MARK1: variants seen among roughly 807,000 people sequenced by gnomAD.
The protein encoded by MARK1 is microtubule affinity regulating kinase 1.
A neutral mutation model predicts 96.3 loss-of-function variants in MARK1; 40 were observed. That is an observed-to-expected ratio of 0.42 (90% CI 0.32 to 0.54). The LOEUF (loss-of-function observed/expected upper bound fraction) is 0.54, where lower values mean the gene tolerates loss of function less well. MARK1 is among the 20% of genes least tolerant of loss of function. The pLI, the probability that MARK1 is intolerant of heterozygous loss-of-function variation, is 0.16. For missense variants in MARK1, 719 were observed against 984.6 expected, an observed-to-expected ratio of 0.73 and a Z score of 3.61; for synonymous variants, 317 against 341.2, an observed-to-expected ratio of 0.93 and a Z score of 0.78.
intron 17 of MARK1, 83 bp from the exon 18 acceptor site, chr1:220,661,729 C>G: frequency 9.7e-7 from 1 of 1,028,654 alleles, no homozygotes; most frequent in Non-Finnish European, 1.4e-6. Flanking sequence ...TGAACTATGA[C>G]CACTTAGATT....
intron 1 of MARK1, among the ~76,000 whole-genome samples, chr1:220,544,195 G>A (rs1661328729): frequency 6.6e-6 from 1 of 152,140 alleles, no homozygotes; most frequent in African/African-American, 2.4e-5. Flanking sequence ...CAATAAAGTG[G>A]GAAGGGAGAT....
At chr1:220,599,555 A>G (rs2589592) in intron 4 of MARK1, among the ~76,000 whole-genome samples, 131,867 of 152,048 alleles carry the variant, frequency 0.87, 60,282 homozygotes, top group Non-Finnish European at 1. Context: ...AAAAGTAATG[A>G]CCTTTTAATC....
intron 1 of MARK1, among the ~76,000 whole-genome samples, chr1:220,568,000 C>T (rs1173009657): frequency 1.3e-5 from 2 of 152,038 alleles, no homozygotes; most frequent in Admixed American, 1.3e-4. Context: ...AATTTAGGTA[C>T]ACCCCTCTCA....
At chr1:220,632,368 A>AACTAATAT in intron 11 of MARK1, 55 bp downstream of exon 11, 1 of 740,044 alleles carries the variant, frequency 1.4e-6, no homozygotes, top group Non-Finnish European at 2.2e-6. Context: ...CTAATATATT[A>AACTAATAT]GTTAATATAT....
At chr1:220,567,004 C>T (rs1001153841) in intron 1 of MARK1, among the ~76,000 whole-genome samples, 1 of 151,978 alleles carries the variant, frequency 6.6e-6, no homozygotes, top group African/African-American at 2.4e-5. Flanking sequence ...AAGGGTATGC[C>T]AGTGAAGTTT....
At chr1:220,659,294 ACAG>A (rs1572249901) in intron 17 of MARK1, among the ~76,000 whole-genome samples, 1 of 152,304 alleles carries the variant, frequency 6.6e-6, no homozygotes, top group East Asian at 1.9e-4. Context: ...ATGAAAAAAA[ACAG>A]CAAGGAACAT....
chr1:220,575,017 T>A lies in MARK1; in HGVS notation c.52-4337T>A, dbSNP rs558777528. Among the ~76,000 whole-genome samples, 7 of 152,330 alleles carry A rather than the reference T, an allele frequency of 4.6e-5. No homozygotes were observed. The East Asian group carries it at 5.8e-4, about 13-fold the overall frequency. ...GACTGTCATAAAACATTGCAATTTT[T>A]AAAAAATATTTCTAAGGATGTATAG... On this transcript the variant is annotated intron_variant, in intron 1 of 17. Coordinates refer to ENST00000366917, the MANE Select transcript of MARK1 (RefSeq NM_018650.5).
At chr1:220,576,075 A>G (rs187362699) in intron 1 of MARK1, among the ~76,000 whole-genome samples, 2 of 10,458 alleles carry the variant, frequency 1.9e-4, no homozygotes, top group East Asian at 2.1e-3. Flanking sequence ...GAATCTTCCA[A>G]TTGTTCATAA....
intron 9 of MARK1, chr1:220,627,132 C>G (rs1667388764): frequency 2.0e-6 from 1 of 503,354 alleles, no homozygotes; most frequent in Non-Finnish European, 4.0e-6. Context: ...GCCCCACAAA[C>G]CTGGGTCCAA....
chr1:220,610,140 G>A (rs1265724364), intron 6 of MARK1, among the ~76,000 whole-genome samples: 1 of 152,198 alleles, frequency 6.6e-6, no homozygotes, highest in Non-Finnish European at 1.5e-5. Flanking sequence ...ATCCTAAAGA[G>A]TGTTTTCCAA....
At position 220,635,530 on chromosome 1, in the gene MARK1, G is replaced by A; in HGVS notation, c.1276+1G>A. 1 of 1,601,634 alleles carries A rather than the reference G, an allele frequency of 6.2e-7. No individual in the cohort carries two copies. The highest frequency in any genetic ancestry group is 8.5e-7 in the Non-Finnish European group (1 of 1,177,098). ...AAGCAGCGGCGTTTCAGTGATCATG[G>A]TAGGGGAAAAAGTCACATAAGTGAA... On this transcript the variant is annotated splice_donor_variant, in intron 12 of 17. Coordinates refer to ENST00000366917, the MANE Select transcript of MARK1 (RefSeq NM_018650.5). LOFTEE classifies it high-confidence loss of function.
At chr1:220,623,731 G>T (rs1367579870) in intron 9 of MARK1, among the ~76,000 whole-genome samples, 1 of 152,028 alleles carries the variant, frequency 6.6e-6, no homozygotes, top group Non-Finnish European at 1.5e-5. Flanking sequence ...TCCACCTATT[G>T]TATTTTTTCC....
At chr1:220,592,731 A>G (rs950048483) in intron 3 of MARK1, among the ~76,000 whole-genome samples, 3 of 152,192 alleles carry the variant, frequency 2.0e-5, no homozygotes, top group Non-Finnish European at 2.9e-5. Context: ...TGGGACCTAG[A>G]TAACCTCTGG....
At chr1:220,580,098 G>A (rs563716597) in intron 2 of MARK1, among the ~76,000 whole-genome samples, 1 of 152,116 alleles carries the variant, frequency 6.6e-6, no homozygotes, top group South Asian at 2.1e-4. Flanking sequence ...ATATATACCT[G>A]TATGCTAGGG....
chr1:220,643,889 G>A (rs1166956048), intron 13 of MARK1, among the ~76,000 whole-genome samples: 1 of 152,122 alleles, frequency 6.6e-6, no homozygotes, highest in Non-Finnish European at 1.5e-5. Context: ...GCCACCACCA[G>A]GCCTGCCTTG....
intron 1 of MARK1, among the ~76,000 whole-genome samples, chr1:220,570,431 A>G (rs1419279935): frequency 6.6e-6 from 1 of 152,144 alleles, no homozygotes; most frequent in Non-Finnish European, 1.5e-5. Flanking sequence ...TTTTCCATGT[A>G]TATATCTTCT....
Position 220,656,597 on chromosome 1 carries a change from T to C in MARK1, c.1989-1193T>C, listed in dbSNP as rs1417879360. 3.3e-5 allele frequency among the ~76,000 whole-genome samples: 5 copies of C among 152,332 alleles called. No individual in the cohort carries two copies. In the East Asian group the frequency reaches 9.6e-4, roughly 29 times the overall value. On this transcript the variant is annotated intron_variant, in intron 16 of 17. Coordinates refer to ENST00000366917, the MANE Select transcript of MARK1 (RefSeq NM_018650.5). ...ATCTACATGTAACTGAAAATGTACA[T>C]TTCACTTTCAGCCTGCTCAAAAATG...
chr1:220,620,489 A>G (rs148824505), intron 9 of MARK1, among the ~76,000 whole-genome samples: 3 of 152,316 alleles, frequency 2.0e-5, no homozygotes, highest in East Asian at 3.9e-4. Flanking sequence ...CAGCTTAGCT[A>G]ATGAGCAGAG....
chr1:220,632,081 A>G (rs375341533), intron 10 of MARK1, 120 bp from the exon 11 acceptor site: 18 of 529,992 alleles, frequency 3.4e-5, no homozygotes, highest in African/African-American at 2.7e-4. Context: ...TTTTAAAACT[A>G]CACTTTAAAT....
Sources: allele counts gnomAD v4.1 joint callset (sites outside exome capture counted in the v4.1 genomes callset), GRCh38; gene constraint gnomAD v4.1.1; transcripts MANE v1.5; gene names NCBI Gene and HGNC (gene_info 2026-07-23, HGNC 2026-07-21).